The following HELZ variants were observed in gnomAD, a reference collection of about 807,000 sequenced individuals.
The protein encoded by HELZ is ATP-dependent RNA helicase with zinc finger domain.
In HELZ, 23 loss-of-function variants were observed where a neutral mutation model predicts 218.2. That is an observed-to-expected ratio of 0.11 (90% CI 0.08 to 0.15). The LOEUF is 0.15. Among genes scored for constraint, HELZ ranks in the 10% least tolerant of loss-of-function variants. The pLI is 1.00. For synonymous variants in HELZ, 814 were observed against 829.4 expected, an observed-to-expected ratio of 0.98 and a Z score of 0.32; for missense variants, 1,813 against 2,353.7, an observed-to-expected ratio of 0.77 and a Z score of 4.75.
chr17:67,203,331 T>C lies in HELZ; in HGVS notation c.360A>G (p.Thr120=). 4.3e-6 allele frequency: 7 copies of C among 1,614,092 alleles called. No homozygotes were observed. The highest frequency in any genetic ancestry group is 5.9e-6 in the Non-Finnish European group (7 of 1,179,966). ...CTTATCAACATACCAGGGACTCTCC[T>C]GTGAGTGACTTGGCAAGAATGGTGG... ...PVSTILAKSL[T]GESLNGMVTK... Residue 120 remains threonine (T), a synonymous_variant, in exon 6 of 33, where the codon ACA becomes ACG. Coordinates refer to ENST00000358691, the MANE Select transcript of HELZ (RefSeq NM_014877.4).
chr17:67,107,535 T>G lies in HELZ; in HGVS notation c.4875A>C (p.Thr1625=). 1 of 1,614,198 alleles carries G rather than the reference T, an allele frequency of 6.2e-7. No individual in the cohort carries two copies. Residue 1625 remains threonine, a synonymous_variant, in exon 31 of 33, where the codon ACA becomes ACC. Coordinates refer to ENST00000358691, the MANE Select transcript of HELZ (RefSeq NM_014877.4). ...AGTTAGAAAAGTGGCTACTGTGGTC[T>G]GTACTGGATGGGGGAGATGGGACTG... ...PPAVPSPPSS[T]DHSSHFSNFN...
At chr17:67,102,364 T>C (rs532264502) in intron 31 of HELZ, among the ~76,000 whole-genome samples, 1 of 152,376 alleles carries the variant, frequency 6.6e-6, no homozygotes, top group Non-Finnish European at 1.5e-5. Flanking sequence ...TTATAAATAA[T>C]TTCTCTAACT....
intron 31 of HELZ, among the ~76,000 whole-genome samples, chr17:67,097,553 ATAT>A (rs1228781111): frequency 3.3e-5 from 5 of 152,190 alleles, no homozygotes; most frequent in Non-Finnish European, 5.9e-5. Context: ...CTACCAAGCA[ATAT>A]TATTTTCCTA....
intron 28 of HELZ, among the ~76,000 whole-genome samples, chr17:67,113,257 G>A (rs1181430244): frequency 1.3e-5 from 2 of 151,954 alleles, no homozygotes; most frequent in African/African-American, 4.8e-5. Context: ...AGTTGAAGAG[G>A]AGAGATTAAT....
intron 5 of HELZ, among the ~76,000 whole-genome samples, chr17:67,206,341 T>C (rs762319784): frequency 2.6e-5 from 4 of 152,244 alleles, no homozygotes; most frequent in African/African-American, 7.2e-5. Context: ...ACTTGAAATA[T>C]GTCTTACTTA....
intron 13 of HELZ, among the ~76,000 whole-genome samples, chr17:67,170,141 C>T (rs1050545061): frequency 2.6e-5 from 4 of 152,130 alleles, no homozygotes; most frequent in East Asian, 1.9e-4. Context: ...CTTTCCCAGA[C>T]GAGAGCTGCA....
intron 6 of HELZ, among the ~76,000 whole-genome samples, chr17:67,202,465 T>C (rs2040192359): frequency 1.3e-5 from 2 of 152,128 alleles, no homozygotes; most frequent in Admixed American, 1.3e-4. Flanking sequence ...GAATAGCCAC[T>C]GCACTCCAGC....
chr17:67,180,750 T>C (rs557365644), intron 12 of HELZ, among the ~76,000 whole-genome samples: 1 of 151,888 alleles, frequency 6.6e-6, no homozygotes. Flanking sequence ...TGGTGGCGGG[T>C]GCCTGTAGTC....
At chr17:67,089,668 T>TATATATATAGAGAGAGAGAG (rs71293575) in intron 31 of HELZ, among the ~76,000 whole-genome samples, 19 of 70,628 alleles carry the variant, frequency 2.7e-4, no homozygotes, top group Admixed American at 8.0e-4. Flanking sequence ...TATATATATA[T>TATATATATAGAGAGAGAGAG]AGAGAGAGAG....
chr17:67,223,419 G>A (rs1322514210), intron 3 of HELZ, among the ~76,000 whole-genome samples: 4 of 151,950 alleles, frequency 2.6e-5, no homozygotes, highest in Non-Finnish European at 5.9e-5. Flanking sequence ...GCTGAGGTCC[G>A]CCCCATCTGT....
At chr17:67,222,671 TG>T (rs1239379855) in intron 3 of HELZ, among the ~76,000 whole-genome samples, 2 of 152,208 alleles carry the variant, frequency 1.3e-5, no homozygotes, top group Non-Finnish European at 2.9e-5. Context: ...GAAAACAGCA[TG>T]ACCTTACTGC....
At chr17:67,193,323 C>G (rs1386618394) in intron 9 of HELZ, among the ~76,000 whole-genome samples, 27 of 110,824 alleles carry the variant, frequency 2.4e-4, no homozygotes, top group Middle Eastern at 7.9e-3. Flanking sequence ...CCCAACTGGG[C>G]AACAGAATGA....
chr17:67,219,121 G>A (rs992933413), intron 3 of HELZ, among the ~76,000 whole-genome samples: 3 of 152,088 alleles, frequency 2.0e-5, no homozygotes, highest in Admixed American at 1.3e-4. Context: ...TGTGAATACC[G>A]CAAAGTATAC....
At chr17:67,082,433 C>T (rs1379668255) in intron 32 of HELZ, among the ~76,000 whole-genome samples, 1 of 152,176 alleles carries the variant, frequency 6.6e-6, no homozygotes, top group African/African-American at 2.4e-5. Flanking sequence ...GTTTCAAAAC[C>T]ATGTTAACAT....
intron 11 of HELZ, 120 bp downstream of exon 11, chr17:67,189,469 T>C (rs1598395246): frequency 4.8e-6 from 3 of 631,462 alleles, no homozygotes; most frequent in East Asian, 2.7e-5. Context: ...ATAGAACCTA[T>C]ATATAATGTA....
Position 67,188,488 on chromosome 17 carries a change from T to G in HELZ, c.993A>C (p.Glu331Asp), listed in dbSNP as rs373298100. ...VSQEVPENCQ[E>D]WIGGKMAQNG... ...TTTGGGCCATCTTTCCTCCTATCCA[T>G]TCTTGACAGTTTTCTGGGACTTCTT... Residue 331 changes from glutamate (E) to aspartate (D), a missense_variant, in exon 12 of 33, where the codon GAA becomes GAC. Transcript: ENST00000358691. This position sits in a 1 kb window ranked among gnomAD's most constrained non-coding sequence, Gnocchi z 4.1. The G allele has an allele frequency of 4.6e-5, 74 of 1,613,882 alleles. No individual in the cohort carries two copies. Among genetic ancestry groups the G allele is most frequent in the Non-Finnish European group, 6.2e-5 (73 of 1,179,872 alleles).
chr17:67,214,399 G>A (rs577986699), intron 5 of HELZ, among the ~76,000 whole-genome samples: 1 of 150,032 alleles, frequency 6.7e-6, no homozygotes, highest in African/African-American at 2.4e-5. Flanking sequence ...CCGAGTAGCT[G>A]GGATTACAGG....
chr17:67,240,756 A>G (rs1316375111), intron 2 of HELZ, among the ~76,000 whole-genome samples: 2 of 152,170 alleles, frequency 1.3e-5, no homozygotes, highest in East Asian at 1.9e-4. Flanking sequence ...ATATGTATAC[A>G]CTCTGCTTTA....
At position 67,071,004 on chromosome 17, in the gene HELZ, CTAA is replaced by C. The variant is rs2035873057; in HGVS notation, c.*7245_*7247del. On this transcript the variant is annotated 3_prime_UTR_variant, in exon 33 of 33. Coordinates refer to ENST00000358691, the MANE Select transcript of HELZ (RefSeq NM_014877.4). ...AGCATTAAAAAAAAATCCTGTGTCA[CTAA>C]TAACAGGACCCTTTAATAAAATGCA... is the stretch of plus-strand genomic sequence containing the variant. 1 of 152,078 alleles carries C rather than the reference CTAA, an allele frequency of 6.6e-6. No homozygotes were observed. The highest frequency in any genetic ancestry group is 6.6e-5 in the Admixed American group (1 of 15,266). 9.4% of individuals were successfully genotyped at this position (152,078 alleles called of 1,614,324 possible). A position where few individuals can be genotyped will look rare whatever the true frequency, so the allele number is the denominator to read the frequency against.
Sources: allele counts gnomAD v4.1 joint callset (sites outside exome capture counted in the v4.1 genomes callset), GRCh38; gene constraint gnomAD v4.1.1; non-coding constraint Gnocchi (gnomAD v3.1); transcripts MANE v1.5; gene names NCBI Gene and HGNC (gene_info 2026-07-23, HGNC 2026-07-21).